NRXN3: variants seen among roughly 807,000 people sequenced by gnomAD.
The protein encoded by NRXN3 is neurexin III.
Under a neutral mutation model 137.6 loss-of-function variants are expected in NRXN3, and 32 were observed. The observed-to-expected ratio is 0.23, with a 90% CI of 0.18 to 0.31. The LOEUF (loss-of-function observed/expected upper bound fraction) is 0.31. Among genes scored for constraint, NRXN3 ranks in the 10% least tolerant of loss-of-function variants. The probability of loss-of-function intolerance (pLI) is 1.00; values close to 1 mark genes in which losing one functional copy is unlikely to be tolerated. For synonymous variants in NRXN3, 798 were observed against 784.5 expected, an observed-to-expected ratio of 1.02 and a Z score of -0.29; for missense variants, 1,574 against 2,062.5, an observed-to-expected ratio of 0.76 and a Z score of 4.59.
chr14:79,811,275 A>G (rs2099231633), intron 20 of NRXN3, among the ~76,000 whole-genome samples: 1 of 152,250 alleles, frequency 6.6e-6, no homozygotes, highest in Non-Finnish European at 1.5e-5. Flanking sequence ...ATCTAAGATA[A>G]GCATTTTAGC....
At chr14:78,827,918 C>A (rs1463798163) in intron 10 of NRXN3, among the ~76,000 whole-genome samples, 3 of 152,198 alleles carry the variant, frequency 2.0e-5, no homozygotes, top group African/African-American at 7.2e-5. Context: ...ATAGTTGTAT[C>A]TGATTTTATT....
intron 4 of NRXN3, among the ~76,000 whole-genome samples, chr14:78,627,536 A>C (rs1363694687): frequency 1.3e-5 from 2 of 152,210 alleles, no homozygotes; most frequent in African/African-American, 4.8e-5. Context: ...GTTGATGGAA[A>C]TGTGAATCTG....
chr14:78,688,971 T>A (rs537072332), intron 6 of NRXN3, among the ~76,000 whole-genome samples: 46 of 152,178 alleles, frequency 3.0e-4, no homozygotes, highest in African/African-American at 1.1e-3. Flanking sequence ...ACTTTCTATG[T>A]TCCTGGAAAT....
intron 4 of NRXN3, among the ~76,000 whole-genome samples, chr14:78,300,036 T>C (rs2076726648): frequency 6.6e-6 from 1 of 152,216 alleles, no homozygotes; most frequent in African/African-American, 2.4e-5. Flanking sequence ...GATGATTACC[T>C]AAAAAACCGA....
chr14:79,595,007 A>G (rs1053059228), intron 16 of NRXN3, among the ~76,000 whole-genome samples: 23 of 152,222 alleles, frequency 1.5e-4, no homozygotes, highest in African/African-American at 5.5e-4. Context: ...GGTTTTACAT[A>G]AACGGCATTA....
At chr14:78,496,575 T>C (rs1445617167) in intron 4 of NRXN3, among the ~76,000 whole-genome samples, 1 of 152,006 alleles carries the variant, frequency 6.6e-6, no homozygotes, top group African/African-American at 2.4e-5. Context: ...GAGGAAAAAA[T>C]ATCCTTCCTT....
chr14:79,719,402 G>GTATATATGTGTGTGTGTA (rs1555660545), intron 19 of NRXN3, among the ~76,000 whole-genome samples: 3 of 142,280 alleles, frequency 2.1e-5, no homozygotes, highest in Non-Finnish European at 4.5e-5. Flanking sequence ...ATATATGTGT[G>GTATATATGTGTGTGTGTA]TATATATATA....
Position 78,179,839 on chromosome 14 carries a change from TTTG to T in NRXN3, c.-704+9168_-704+9170del, listed in dbSNP as rs1384203697. 1.1e-3 allele frequency among the ~76,000 whole-genome samples: 156 copies of T among 139,610 alleles called. 2 individuals are homozygous for T. In the East Asian group the frequency reaches 0.026, roughly 23 times the overall value. 91.6% of individuals were successfully genotyped at this position (139,610 alleles called of 152,430 possible). On this transcript the variant is annotated intron_variant, in intron 1 of 20. Coordinates refer to ENST00000335750, the MANE Select transcript of NRXN3 (RefSeq NM_001330195.2). ...TTTTTTTTTTGTTTGTTTCTGTTTT[TTTG>T]TTTTTTTTTTTTTCTTGTTTTAGAC... is the stretch of plus-strand genomic sequence containing the variant.
chr14:78,926,744 T>TTA (rs1486185864), intron 10 of NRXN3, among the ~76,000 whole-genome samples: 2 of 60,892 alleles, frequency 3.3e-5, no homozygotes, highest in African/African-American at 2.0e-4. Flanking sequence ...AAAATATATA[T>TTA]TATATATTAT....
chr14:78,271,185 G>A (rs1228849326), intron 2 of NRXN3, among the ~76,000 whole-genome samples: 2 of 152,164 alleles, frequency 1.3e-5, no homozygotes, highest in African/African-American at 4.8e-5. Flanking sequence ...GTATAGAACT[G>A]CTTCCTCTAT....
At chr14:78,705,529 C>T (rs888438493) in intron 6 of NRXN3, among the ~76,000 whole-genome samples, 5 of 152,100 alleles carry the variant, frequency 3.3e-5, no homozygotes, top group Non-Finnish European at 7.4e-5. Flanking sequence ...AATTCAGGAC[C>T]CTATCCATTT....
At position 79,691,916 on chromosome 14, in the gene NRXN3, C is replaced by T. The variant is rs114182639; in HGVS notation, c.3617-257C>T. Among the ~76,000 whole-genome samples the T allele has an allele frequency of 1.6e-3, 237 of 152,084 alleles. 3 individuals are homozygous for T. Among genetic ancestry groups the T allele is most frequent in the African/African-American group, 5.3e-3 (221 of 41,516 alleles). ...GAGAGAGTGAAGGTAAATCCATTTC[C>T]GTAAACGGCCAGACCTCTTAAGGAT... On this transcript the variant is annotated intron_variant, in intron 17 of 20. Transcript: ENST00000335750.
chr14:79,121,847 TTATGAACCAA>T (rs2055499571), intron 15 of NRXN3, among the ~76,000 whole-genome samples: 1 of 152,152 alleles, frequency 6.6e-6, no homozygotes, highest in African/African-American at 2.4e-5. Flanking sequence ...AAGGCTGGAG[TTATGAACCAA>T]ACCATAGTAA....
At chr14:78,602,089 C>T (rs1274360525) in intron 4 of NRXN3, among the ~76,000 whole-genome samples, 7 of 152,114 alleles carry the variant, frequency 4.6e-5, no homozygotes, top group Non-Finnish European at 7.4e-5. Context: ...CTGAGATGGG[C>T]GCTGACCTGT....
intron 8 of NRXN3, among the ~76,000 whole-genome samples, chr14:78,760,533 G>A (rs8020920): frequency 0.31 from 45,204 of 147,062 alleles, 10,376 homozygotes; most frequent in African/African-American, 0.66. Context: ...ATGATGAAGA[G>A]ATACCAATGA....
intron 15 of NRXN3, among the ~76,000 whole-genome samples, chr14:79,401,243 C>G (rs560342132): frequency 6.6e-6 from 1 of 152,158 alleles, no homozygotes; most frequent in Non-Finnish European, 1.5e-5. Flanking sequence ...TCTCACAAGC[C>G]TTAGTCATTA....
chr14:78,953,416 G>A (rs188771432), intron 10 of NRXN3, among the ~76,000 whole-genome samples: 11 of 152,248 alleles, frequency 7.2e-5, no homozygotes, highest in Admixed American at 3.3e-4. Context: ...ATCTTATTCC[G>A]TATTCCCCAT....
rs560238732 is a variant in NRXN3 at position 78,186,758 on chromosome 14, G to C, written c.-704+16084G>C. Among the ~76,000 whole-genome samples, 5 of 151,012 alleles carry C rather than the reference G, an allele frequency of 3.3e-5. No individual in the cohort carries two copies. In the East Asian group the frequency reaches 9.9e-4, roughly 30 times the overall value. On this transcript the variant is annotated intron_variant, in intron 1 of 20. Coordinates refer to ENST00000335750, the MANE Select transcript of NRXN3 (RefSeq NM_001330195.2). The stretch of plus-strand genomic sequence containing the variant: ...ATCTGTTGGGGTGGCTGAAAACTAA[G>C]CTGCAGTAGGGGAGATAAAAGGGAC...
chr14:78,379,286 C>T (rs1453563255), intron 4 of NRXN3, among the ~76,000 whole-genome samples: 2 of 152,064 alleles, frequency 1.3e-5, no homozygotes. Flanking sequence ...TACTCTGATA[C>T]CCAAAACCAG....
Sources: allele counts gnomAD v4.1 joint callset (sites outside exome capture counted in the v4.1 genomes callset), GRCh38; gene constraint gnomAD v4.1.1; transcripts MANE v1.5; gene names NCBI Gene and HGNC (gene_info 2026-07-23, HGNC 2026-07-21).